MAP3K1: variants seen among roughly 807,000 people sequenced by gnomAD.
The protein encoded by MAP3K1 is MAP/ERK kinase kinase 1.
Under a neutral mutation model 144.2 loss-of-function variants are expected in MAP3K1, and 36 were observed. The observed-to-expected ratio is 0.25, with a 90% CI of 0.19 to 0.33. MAP3K1 has a LOEUF of 0.33. Ranked by LOEUF, MAP3K1 falls within the 10% of genes least tolerant of loss-of-function variation. The pLI is 1.00. For missense variants in MAP3K1, 1,650 were observed against 1,881.9 expected (o/e 0.88, Z 2.28); for synonymous variants, 718 against 688.7 (o/e 1.04, Z -0.67).
chr5:56,850,495 T>G (rs1747136424), intron 1 of MAP3K1, among the ~76,000 whole-genome samples: 1 of 152,254 alleles, frequency 6.6e-6, no homozygotes, highest in South Asian at 2.1e-4. Context: ...ATTATTATAA[T>G]TAATCAAATC....
rs70999027 is a variant in MAP3K1 at position 56,829,349 on chromosome 5, ATTTTTTT to A, written c.482+13307_482+13313del. On this transcript the variant is annotated intron_variant, in intron 1 of 19. Coordinates refer to ENST00000399503, the MANE Select transcript of MAP3K1 (RefSeq NM_005921.2). ...AGGTGCATGCCACTGTGCCCGGCAA[ATTTTTTT>A]TTTTTTTTTTTTGTAGTGACAGAGT... Among the ~76,000 whole-genome samples the A allele has an allele frequency of 3.6e-3, 472 of 130,340 alleles. 4 individuals carry two copies. Among genetic ancestry groups the A allele is most frequent in the African/African-American group, 0.012 (404 of 34,528 alleles). 85.5% of individuals were successfully genotyped at this position (130,340 alleles called of 152,430 possible).
chr5:56,848,312 C>T (rs556690980), intron 1 of MAP3K1, among the ~76,000 whole-genome samples: 1 of 152,222 alleles, frequency 6.6e-6, no homozygotes, highest in Non-Finnish European at 1.5e-5. Flanking sequence ...CTTACATATC[C>T]CTAGAGGCAC....
chr5:56,860,619 G>T (rs752844989), intron 3 of MAP3K1, among the ~76,000 whole-genome samples: 11 of 152,254 alleles, frequency 7.2e-5, no homozygotes, highest in Non-Finnish European at 1.3e-4. Flanking sequence ...TTGGGAGGGC[G>T]AAGTGGGCGG....
intron 1 of MAP3K1, among the ~76,000 whole-genome samples, chr5:56,819,673 G>A (rs773888319): frequency 1.1e-4 from 16 of 152,178 alleles, no homozygotes; most frequent in African/African-American, 3.4e-4. Flanking sequence ...CACAGAAGGC[G>A]ATGGGAAAAT....
chr5:56,866,411 G>T (rs550333592), intron 6 of MAP3K1, among the ~76,000 whole-genome samples: 2 of 151,952 alleles, frequency 1.3e-5, no homozygotes, highest in African/African-American at 2.4e-5. Flanking sequence ...TAAAAAATAT[G>T]TGGGTGTGTG....
chr5:56,893,863 C>T lies in MAP3K1; in HGVS notation c.*183C>T. 1.5e-6 allele frequency: 1 copy of T among 657,376 alleles called. No homozygotes were observed. Among genetic ancestry groups the T allele is most frequent in the Non-Finnish European group, 2.7e-6 (1 of 374,476 alleles). 40.7% of individuals were successfully genotyped at this position (657,376 alleles called of 1,614,324 possible). A position where few individuals can be genotyped will look rare whatever the true frequency, so the allele number is the denominator to read the frequency against. The stretch of plus-strand genomic sequence containing the variant: ...ATGATCTGTACCTAAGCTCAGTATG[C>T]AAAAGCCCAAACTAGTGCAGAAACT... On this transcript the variant is annotated 3_prime_UTR_variant, in exon 20 of 20. Transcript: ENST00000399503.
At chr5:56,863,831 A>G (rs752336950) in intron 3 of MAP3K1, among the ~76,000 whole-genome samples, 1 of 152,166 alleles carries the variant, frequency 6.6e-6, no homozygotes, top group Non-Finnish European at 1.5e-5. Context: ...AAAAAACTGG[A>G]ATTTCCACTG....
chr5:56,822,647 C>T (rs1746187281), intron 1 of MAP3K1, among the ~76,000 whole-genome samples: 1 of 152,068 alleles, frequency 6.6e-6, no homozygotes, highest in African/African-American at 2.4e-5. Flanking sequence ...CTTGTCGATC[C>T]CCACCCCAGT....
intron 19 of MAP3K1, among the ~76,000 whole-genome samples, chr5:56,889,902 C>A (rs1045449352): frequency 1.3e-5 from 2 of 152,164 alleles, no homozygotes; most frequent in Admixed American, 6.5e-5. Context: ...TCCTCAGTCA[C>A]CTCTCTGACA....
At chr5:56,864,704 A>G (rs745870904) in intron 3 of MAP3K1, 30 bp from the exon 4 acceptor site, 2 of 1,609,960 alleles carry the variant, frequency 1.2e-6, no homozygotes, top group African/African-American at 1.3e-5. Context: ...GAAATGAGAA[A>G]CGTACCTAAT....
Position 56,882,160 on chromosome 5 carries a change from C to A in MAP3K1, c.2960C>A (p.Ser987Tyr). Residue 987 changes from serine to tyrosine, a missense_variant, in exon 14 of 20, where the codon TCT becomes TAT. Coordinates refer to ENST00000399503, the MANE Select transcript of MAP3K1 (RefSeq NM_005921.2). Reference protein sequence around the residue: ...QLMFPALSTPSSSTPSVPAGT... With the variant: ...QLMFPALSTPYSSTPSVPAGT... ...ATGTTTCCAGCCTTGTCAACCCCTTCTTCTTCTACCCCATCTGTACCAGCT... is the reference window on the plus strand; with the variant it reads ...ATGTTTCCAGCCTTGTCAACCCCTTATTCTTCTACCCCATCTGTACCAGCT... The A allele has an allele frequency of 1.2e-6, 2 of 1,614,142 alleles. No homozygotes were observed. Among genetic ancestry groups the A allele is most frequent in the Non-Finnish European group, 1.7e-6 (2 of 1,180,016 alleles).
intron 1 of MAP3K1, among the ~76,000 whole-genome samples, chr5:56,849,327 C>G (rs1339937077): frequency 6.8e-6 from 1 of 147,230 alleles, no homozygotes; most frequent in Non-Finnish European, 1.5e-5. Flanking sequence ...CCAGCCTGGG[C>G]GTCAGAGCCA....
chr5:56,836,865 T>G (rs1746671165), intron 1 of MAP3K1, among the ~76,000 whole-genome samples: 1 of 152,198 alleles, frequency 6.6e-6, no homozygotes. Context: ...AAGTCTCAAG[T>G]CTTTTGATTT....
rs1012814552 is a variant in MAP3K1 at position 56,894,277 on chromosome 5, C to G, written c.*597C>G. ...TTGTGCATTTTACTGTTGGCCCATTCATTTCGTTTTTGGAAATTATGGTTT... is the reference window on the plus strand; with the variant it reads ...TTGTGCATTTTACTGTTGGCCCATTGATTTCGTTTTTGGAAATTATGGTTT... On this transcript the variant is annotated 3_prime_UTR_variant, in exon 20 of 20. Transcript: ENST00000399503. 8.6e-6 allele frequency: 2 copies of G among 232,652 alleles called. No homozygotes were observed. The highest frequency in any genetic ancestry group is 4.4e-5 in the African/African-American group (2 of 45,190). 14.4% of individuals were successfully genotyped at this position (232,652 alleles called of 1,614,324 possible). A position where few individuals can be genotyped will look rare whatever the true frequency, so the allele number is the denominator to read the frequency against.
In MAP3K1 at chr5:56,887,532, C is replaced by G. The variant is rs2111962671; in HGVS notation, c.4257+12C>G. 2 of 1,613,970 alleles carry G rather than the reference C, an allele frequency of 1.2e-6. No individual in the cohort carries two copies. Among genetic ancestry groups the G allele is most frequent in the Non-Finnish European group, 1.7e-6 (2 of 1,179,882 alleles). ...TTATGGCACCTGAGGTGAGAAGCAT[C>G]TTTGAGTGTGATGACAGAAAATATT... On this transcript the variant is annotated intron_variant, in intron 18 of 19. Transcript: ENST00000399503.
intron 1 of MAP3K1, among the ~76,000 whole-genome samples, chr5:56,844,183 G>GTTTTTTTTTTTTTT (rs770169813): frequency 2.4e-4 from 18 of 76,092 alleles, no homozygotes; most frequent in African/African-American, 4.9e-4. Context: ...GTTTTTTTTG[G>GTTTTTTTTTTTTTT]TTTTTTTTTT....
At chr5:56,874,991 G>A (rs776837831) in intron 9 of MAP3K1, 41 bp from the exon 10 acceptor site, 71 of 1,608,564 alleles carry the variant, frequency 4.4e-5, no homozygotes, top group Non-Finnish European at 6.0e-5. Flanking sequence ...GGGTCCATAA[G>A]CTTTTCTTTA....
Position 56,873,025 on chromosome 5 carries a change from T to C in MAP3K1, c.1686+20T>C. Reference sequence around the variant, plus strand: ...ATTCAGGTAAGTAGTTCTTTGTTTTTCATTTCTCAAAGAAATATTTATAGA... The same window carrying C: ...ATTCAGGTAAGTAGTTCTTTGTTTTCCATTTCTCAAAGAAATATTTATAGA... On this transcript the variant is annotated intron_variant, in intron 9 of 19. Transcript: ENST00000399503. 6.2e-7 allele frequency: 1 copy of C among 1,603,530 alleles called. No individual in the cohort carries two copies. The highest frequency in any genetic ancestry group is 8.5e-7 in the Non-Finnish European group (1 of 1,171,594).
At chr5:56,872,134 G>T in intron 7 of MAP3K1, 103 bp downstream of exon 7, 3 of 1,481,274 alleles carry the variant, frequency 2.0e-6, no homozygotes, top group Non-Finnish European at 2.8e-6. Context: ...ATTGGTGAGA[G>T]AATAAAAAAA....
Sources: allele counts gnomAD v4.1 joint callset (sites outside exome capture counted in the v4.1 genomes callset), GRCh38; gene constraint gnomAD v4.1.1; transcripts MANE v1.5; gene names NCBI Gene and HGNC (gene_info 2026-07-23, HGNC 2026-07-21).